Variants in NAB1 observed in about 807,000 individuals in gnomAD.
The protein encoded by NAB1 is NGFI-A-binding protein 1.
Under a neutral mutation model 49.9 loss-of-function variants are expected in NAB1, and 25 were observed. That is an observed-to-expected ratio of 0.50 (90% CI 0.37 to 0.70). NAB1 has a LOEUF of 0.70. NAB1 is among the 30% of genes least tolerant of loss of function. The pLI is 0.00. For missense variants in NAB1, 489 were observed against 575.9 expected (o/e 0.85, Z 1.54); for synonymous variants, 198 against 215.6 (o/e 0.92, Z 0.71).
chr2:190,660,178 A>C (rs920545749), intron 4 of NAB1, among the ~76,000 whole-genome samples, 183 bp downstream of exon 4: 1 of 152,260 alleles, frequency 6.6e-6, no homozygotes, highest in Non-Finnish European at 1.5e-5. Flanking sequence ...TGTTCAGGGT[A>C]TATTTGTATT....
In NAB1 at chr2:190,690,551, T is replaced by C. The variant is rs1490572381; in HGVS notation, c.*218T>C. ...AGTGTTGCAATCTATAACAGTAATA[T>C]TGATTCATTCACATTCCTGTGTTAA... On this transcript the variant is annotated 3_prime_UTR_variant, in exon 10 of 10. Coordinates refer to ENST00000337386, the MANE Select transcript of NAB1 (RefSeq NM_005966.4). The C allele has an allele frequency of 1.1e-5, 5 of 443,410 alleles. No individual in the cohort carries two copies. Among genetic ancestry groups the C allele is most frequent in the Middle Eastern group, 6.0e-4 (1 of 1,676 alleles). The allele number at this position is 443,410 out of a possible 1,614,324, so 27.5% of individuals were successfully genotyped here.
Position 190,659,517 on chromosome 2 carries a change from A to C in NAB1, c.341A>C (p.Tyr114Ser), listed in dbSNP as rs1694105986. The C allele has an allele frequency of 1.2e-6, 2 of 1,614,088 alleles. No individual in the cohort carries two copies. Among genetic ancestry groups the C allele is most frequent in the Admixed American group, 1.7e-5 (1 of 60,008 alleles). The change falls in exon 4 of 10, where the codon TAT becomes TCT. Residue 114 changes from tyrosine (Y) to serine (S), a missense_variant. Around this residue, in one of 4 missense-constraint regions of NAB1, gnomAD observed 204 missense variants for 220.9 expected, o/e 0.92. Coordinates refer to ENST00000337386, the MANE Select transcript of NAB1 (RefSeq NM_005966.4). This position sits in a 1 kb window ranked among gnomAD's most constrained non-coding sequence, Gnocchi z 6.2. Reference sequence around the variant, plus strand: ...TGGCTGGGAATATCCTGCAGTAGTTATGAAAGGAGTAGCAATGCCCGGGAA... The same window carrying C: ...TGGCTGGGAATATCCTGCAGTAGTTCTGAAAGGAGTAGCAATGCCCGGGAA... ...PTWLGISCSS[Y>S]ERSSNAREPH...
intron 4 of NAB1, among the ~76,000 whole-genome samples, chr2:190,664,985 A>G (rs1250788930): frequency 2.0e-5 from 3 of 152,112 alleles, no homozygotes; most frequent in Non-Finnish European, 4.4e-5. Context: ...ATCTGGGATT[A>G]GCTTCCTTCT....
rs1429545161 is a variant in NAB1, at chr2:190,682,039, A to G, written c.1006-1699A>G. Among the ~76,000 whole-genome samples the G allele has an allele frequency of 6.6e-6, 1 of 152,246 alleles. No homozygotes were observed. Among genetic ancestry groups the G allele is most frequent in the Non-Finnish European group, 1.5e-5 (1 of 68,042 alleles). ...AGGTTTCACTAAAGTTACTAAAACC[A>G]TGCTGTCATGATATTTTGTAGTTAT... On this transcript the variant is annotated intron_variant, in intron 6 of 9. Transcript: ENST00000337386. This position sits in a 1 kb window ranked among gnomAD's most constrained non-coding sequence, Gnocchi z 4.1.
chr2:190,683,871 G>T, intron 7 of NAB1, 44 bp downstream of exon 7: 1 of 1,454,020 alleles, frequency 6.9e-7, no homozygotes. Context: ...GTATCTGAAG[G>T]TTAAAAAATA....
rs1207655731 is a variant in NAB1 at position 190,678,188 on chromosome 2, C to T, written c.1005+5036C>T. On this transcript the variant is annotated intron_variant, in intron 6 of 9. Transcript: ENST00000337386. The surrounding 1 kb of genome is among the most constrained non-coding windows in gnomAD (Gnocchi z 4.9). ...TCCTTATGTCCTACCTATGAAAGAA[C>T]ATATTTAAGGTGGCTTGACAGCTCA... 1.3e-5 allele frequency among the ~76,000 whole-genome samples: 2 copies of T among 152,076 alleles called. No homozygotes were observed. Among genetic ancestry groups the T allele is most frequent in the Non-Finnish European group, 2.9e-5 (2 of 68,004 alleles).
At position 190,682,887 on chromosome 2, in the gene NAB1, C is replaced by T. The variant is rs779924420; in HGVS notation, c.1006-851C>T. Among the ~76,000 whole-genome samples the T allele has an allele frequency of 6.6e-5, 10 of 152,134 alleles. No homozygotes were observed. Among genetic ancestry groups the T allele is most frequent in the Non-Finnish European group, 1.5e-4 (10 of 68,016 alleles). Reference sequence around the variant, plus strand: ...GCCCTCTATAGGTTTAGCGAAAGTACATAAGGCACAAAAATATCATCTCTG... The same window carrying T: ...GCCCTCTATAGGTTTAGCGAAAGTATATAAGGCACAAAAATATCATCTCTG... On this transcript the variant is annotated intron_variant, in intron 6 of 9. Coordinates refer to ENST00000337386, the MANE Select transcript of NAB1 (RefSeq NM_005966.4). The surrounding 1 kb of genome is among the most constrained non-coding windows in gnomAD (Gnocchi z 4.1).
At chr2:190,658,927 C>T in intron 3 of NAB1, 1 of 382,562 alleles carries the variant, frequency 2.6e-6, no homozygotes. Context: ...CTCCAGATTC[C>T]TGCTTACCAT....
chr2:190,656,006 G>C lies in NAB1; in HGVS notation c.-167G>C, dbSNP rs948205908. On this transcript the variant is annotated 5_prime_UTR_variant, in exon 3 of 10. Transcript: ENST00000337386. ...GAGCAGGGGGAGGAACATTTAAGCTGATGGAAGTGGAAGTGGAAGTTGCTG... is the reference window on the plus strand; with the variant it reads ...GAGCAGGGGGAGGAACATTTAAGCTCATGGAAGTGGAAGTGGAAGTTGCTG... 1 of 152,244 alleles carries C rather than the reference G, an allele frequency of 6.6e-6. No homozygotes were observed. The highest frequency in any genetic ancestry group is 1.5e-5 in the Non-Finnish European group (1 of 68,064). The allele number at this position is 152,244 out of a possible 1,614,324, so 9.4% of individuals were successfully genotyped here. A position where few individuals can be genotyped will look rare whatever the true frequency, so the allele number is the denominator to read the frequency against.
Position 190,677,930 on chromosome 2 carries a change from G to A in NAB1, c.1005+4778G>A, listed in dbSNP as rs185070083. 9.8e-5 allele frequency among the ~76,000 whole-genome samples: 15 copies of A among 152,312 alleles called. No individual in the cohort carries two copies. In the East Asian group the frequency reaches 2.3e-3, roughly 23 times the overall value. On this transcript the variant is annotated intron_variant, in intron 6 of 9. Coordinates refer to ENST00000337386, the MANE Select transcript of NAB1 (RefSeq NM_005966.4). The surrounding 1 kb of genome is among the most constrained non-coding windows in gnomAD (Gnocchi z 5.6). ...TTCCTCCTAGTACCGTGTGAAGGGCGAAATGTGTGCAGGACTGGTAGTCTT... is the reference window on the plus strand; with the variant it reads ...TTCCTCCTAGTACCGTGTGAAGGGCAAAATGTGTGCAGGACTGGTAGTCTT...
intron 4 of NAB1, among the ~76,000 whole-genome samples, chr2:190,661,932 G>A (rs902564436): frequency 2.6e-5 from 4 of 152,128 alleles, no homozygotes; most frequent in African/African-American, 9.7e-5. Flanking sequence ...GAATCCTGGG[G>A]GAATTGAAAG....
In NAB1 at chr2:190,673,685, T is replaced by A. The variant is rs562318756; in HGVS notation, c.1005+533T>A. Among the ~76,000 whole-genome samples the A allele has an allele frequency of 7.6e-4, 116 of 152,324 alleles. 1 individual carries two copies. In the South Asian group the frequency reaches 0.024, roughly 31 times the overall value. On this transcript the variant is annotated intron_variant, in intron 6 of 9. Coordinates refer to ENST00000337386, the MANE Select transcript of NAB1 (RefSeq NM_005966.4). ...ACTTTTCGTTTCTTTATATTAACTATCTAAGGGAAATGATAATTTAGTAGC... is the reference window on the plus strand; with the variant it reads ...ACTTTTCGTTTCTTTATATTAACTAACTAAGGGAAATGATAATTTAGTAGC...
Position 190,649,915 on chromosome 2 carries a change from CTT to C in NAB1, c.-262_-261del, listed in dbSNP as rs1403025539. The C allele has an allele frequency of 1.3e-5, 2 of 152,228 alleles. No homozygotes were observed. Among genetic ancestry groups the C allele is most frequent in the African/African-American group, 2.4e-5 (1 of 41,430 alleles). The allele number at this position is 152,228 out of a possible 1,614,324, so 9.4% of individuals were successfully genotyped here. ...CTGAGGTGCAGGGAAGCCAGAAACTCTTTGTGTCTCTAAGGCCGATGAGGAAT... is the reference window on the plus strand; with the variant it reads ...CTGAGGTGCAGGGAAGCCAGAAACTCTGTGTCTCTAAGGCCGATGAGGAAT... On this transcript the variant is annotated 5_prime_UTR_variant, in exon 2 of 10. The change abolishes the stop of an existing upstream ORF in the 5' untranslated region. Coordinates refer to ENST00000337386, the MANE Select transcript of NAB1 (RefSeq NM_005966.4). The surrounding 1 kb of genome is among the most constrained non-coding windows in gnomAD (Gnocchi z 6.1).
intron 4 of NAB1, among the ~76,000 whole-genome samples, chr2:190,662,307 G>A (rs1398034031): frequency 1.3e-5 from 2 of 150,464 alleles, no homozygotes; most frequent in Non-Finnish European, 3.0e-5. Flanking sequence ...GAAAATATTT[G>A]TTTATATATT....
In NAB1 at chr2:190,659,026, T is replaced by C. The variant is rs1694078482; in HGVS notation, c.-19-132T>C. ...AATGAGATAAAGTATGTAGAGAGAA[T>C]GCTGCCTTCACAGGCAGTCACGATG... On this transcript the variant is annotated intron_variant, in intron 3 of 9. Transcript: ENST00000337386. This position sits in a 1 kb window ranked among gnomAD's most constrained non-coding sequence, Gnocchi z 6.2. The C allele has an allele frequency of 1.6e-6, 1 of 619,132 alleles. No individual in the cohort carries two copies. The highest frequency in any genetic ancestry group is 3.0e-5 in the Admixed American group (1 of 33,420). 38.4% of individuals were successfully genotyped at this position (619,132 alleles called of 1,614,324 possible).
intron 8 of NAB1, 96 bp from the exon 9 acceptor site, chr2:190,687,105 A>G: frequency 1.8e-6 from 1 of 557,406 alleles, no homozygotes; most frequent in Non-Finnish European, 3.0e-6. Context: ...GACTCTCCTC[A>G]CTTTTTTCCT....
At chr2:190,660,252 T>G (rs1694153932) in intron 4 of NAB1, among the ~76,000 whole-genome samples, 1 of 152,250 alleles carries the variant, frequency 6.6e-6, no homozygotes, top group Non-Finnish European at 1.5e-5. Flanking sequence ...AATGTCAGAA[T>G]TTAAGCAGTG....
rs967036539 is a variant in NAB1 at position 190,652,435 on chromosome 2, A to G, written c.-197+2453A>G. On this transcript the variant is annotated intron_variant, in intron 2 of 9. Transcript: ENST00000337386. This position sits in a 1 kb window ranked among gnomAD's most constrained non-coding sequence, Gnocchi z 4.2. ...ATGCTAGTATTTGCCTATTGTTACT[A>G]TAGTTAAATGAATAAATACATAGTT... is the stretch of plus-strand genomic sequence containing the variant. Among the ~76,000 whole-genome samples, 2 of 152,210 alleles carry G rather than the reference A, an allele frequency of 1.3e-5. No individual in the cohort carries two copies. Among genetic ancestry groups the G allele is most frequent in the African/African-American group, 2.4e-5 (1 of 41,444 alleles).
chr2:190,665,330 A>AG (rs1401958784), intron 4 of NAB1, among the ~76,000 whole-genome samples: 3 of 152,004 alleles, frequency 2.0e-5, no homozygotes, highest in Non-Finnish European at 4.4e-5. Flanking sequence ...CTCAAAAAAA[A>AG]AAAAAAAGTT....
Sources: gnomAD v4.1 joint callset for allele counts (sites outside exome capture counted in the v4.1 genomes callset) on GRCh38, gnomAD v4.1.1 for gene constraint, gnomAD v4.1.1 regional missense constraint, Gnocchi (gnomAD v3.1) non-coding constraint, MANE v1.5 for transcripts, NCBI Gene and HGNC (gene_info 2026-07-23, HGNC 2026-07-21) for gene names.